The following HECW1 variants were observed in gnomAD, a reference collection of about 807,000 sequenced individuals.
HECW1 encodes E3 ubiquitin-protein ligase HECW1.
HECW1 carries 61 observed loss-of-function variants against 182.3 expected under a neutral mutation model. The ratio of observed to expected loss-of-function variants is 0.33; its 90% CI spans 0.27 to 0.41. The LOEUF (loss-of-function observed/expected upper bound fraction) is 0.41, where lower values mean the gene tolerates loss of function less well. Among genes scored for constraint, HECW1 ranks in the 10% least tolerant of loss-of-function variants. The pLI is 1.00. For missense variants in HECW1, 1,739 were observed against 2,108.9 expected, an observed-to-expected ratio of 0.82 and a Z score of 3.44; for synonymous variants, 859 against 832.6, an observed-to-expected ratio of 1.03 and a Z score of -0.55.
At chr7:43,320,828 C>A in intron 5 of HECW1, 86 bp downstream of exon 5, 1 of 976,316 alleles carries the variant, frequency 1.0e-6, no homozygotes, top group Non-Finnish European at 1.6e-6. Flanking sequence ...GTTGCACTGC[C>A]TCCACTAAGA....
intron 2 of HECW1, among the ~76,000 whole-genome samples, chr7:43,167,961 G>A (rs958314313): frequency 2.0e-5 from 3 of 152,078 alleles, no homozygotes; most frequent in Non-Finnish European, 2.9e-5. Context: ...CAGCACTCCT[G>A]AATACTCACA....
intron 3 of HECW1, among the ~76,000 whole-genome samples, chr7:43,269,551 A>G (rs1056722339): frequency 1.3e-5 from 2 of 152,222 alleles, no homozygotes; most frequent in Admixed American, 6.5e-5. Flanking sequence ...GACAGTTTCA[A>G]TATAGGAGTG....
intron 24 of HECW1, among the ~76,000 whole-genome samples, chr7:43,520,502 A>T (rs1364178142): frequency 2.0e-5 from 3 of 152,094 alleles, no homozygotes. Flanking sequence ...TCTCTCATTT[A>T]CATGGGCGCA....
At chr7:43,262,987 T>A (rs190921219) in intron 3 of HECW1, among the ~76,000 whole-genome samples, 126 of 152,326 alleles carry the variant, frequency 8.3e-4, no homozygotes, top group Non-Finnish European at 1.4e-3. Flanking sequence ...TACACATTTG[T>A]ATGTAATAGT....
intron 3 of HECW1, among the ~76,000 whole-genome samples, chr7:43,307,736 A>G (rs998186081): frequency 6.6e-6 from 1 of 151,838 alleles, no homozygotes; most frequent in Non-Finnish European, 1.5e-5. Flanking sequence ...AATCAGCTCT[A>G]TCCACCTGCT....
At chr7:43,389,805 T>C (rs150893712) in intron 6 of HECW1, among the ~76,000 whole-genome samples, 1 of 152,110 alleles carries the variant, frequency 6.6e-6, no homozygotes, top group Non-Finnish European at 1.5e-5. Context: ...CATGCCTGAC[T>C]AAATTTTTGT....
At chr7:43,144,288 C>T (rs1276104424) in intron 2 of HECW1, among the ~76,000 whole-genome samples, 2 of 152,218 alleles carry the variant, frequency 1.3e-5, no homozygotes, top group African/African-American at 4.8e-5. Context: ...CAATATGACT[C>T]ATCACTGTTG....
chr7:43,337,225 A>G (rs927076434), intron 5 of HECW1, among the ~76,000 whole-genome samples: 1 of 152,210 alleles, frequency 6.6e-6, no homozygotes, highest in Non-Finnish European at 1.5e-5. Context: ...GACTTTTTAA[A>G]TAATAGCCAT....
At chr7:43,401,606 T>C (rs1323439883) in intron 7 of HECW1, among the ~76,000 whole-genome samples, 1 of 133,422 alleles carries the variant, frequency 7.5e-6, no homozygotes, top group Non-Finnish European at 1.6e-5. Flanking sequence ...ATAGCCACAG[T>C]AGACATCTGG....
At chr7:43,375,407 G>A (rs9639874) in intron 6 of HECW1, among the ~76,000 whole-genome samples, 54,423 of 151,918 alleles carry the variant, frequency 0.36, 10,084 homozygotes, top group East Asian at 0.52. Flanking sequence ...TCAAATATAC[G>A]ATTTCAGGAT....
intron 24 of HECW1, among the ~76,000 whole-genome samples, chr7:43,519,930 T>G (rs960518798): frequency 6.6e-6 from 1 of 152,170 alleles, no homozygotes; most frequent in African/African-American, 2.4e-5. Flanking sequence ...ACATTTTAGA[T>G]TATCAATATG....
At chr7:43,347,919 G>T (rs1813892185) in intron 5 of HECW1, among the ~76,000 whole-genome samples, 2 of 152,082 alleles carry the variant, frequency 1.3e-5, no homozygotes, top group Non-Finnish European at 2.9e-5. Context: ...GATTCATTTA[G>T]CTACTATTTT....
At chr7:43,488,440 G>GAA (rs1303130958) in intron 17 of HECW1, among the ~76,000 whole-genome samples, 1 of 121,156 alleles carries the variant, frequency 8.3e-6, no homozygotes, top group African/African-American at 3.3e-5. Context: ...GAAAGAGAAA[G>GAA]AAAGAAAGAA....
chr7:43,480,048 T>C (rs564984303), intron 17 of HECW1, among the ~76,000 whole-genome samples: 1 of 152,318 alleles, frequency 6.6e-6, no homozygotes, highest in Non-Finnish European at 1.5e-5. Context: ...TGGCTGGAGC[T>C]GTGCCTCCTG....
At position 43,160,978 on chromosome 7, in the gene HECW1, G is replaced by T. The variant is rs535288354; in HGVS notation, c.-32+46587G>T. Among the ~76,000 whole-genome samples, 424 of 149,290 alleles carry T rather than the reference G, an allele frequency of 2.8e-3. 3 individuals carry two copies. The highest frequency in any genetic ancestry group is 9.7e-3 in the African/African-American group (393 of 40,660). On this transcript the variant is annotated intron_variant, in intron 2 of 29. Coordinates refer to ENST00000395891, the MANE Select transcript of HECW1 (RefSeq NM_015052.5). ...TTATAACATCTCTCCATTTCTACAG[G>T]TTTTTTTTTTCTCCTTCTAAACCAT...
chr7:43,166,297 GGTCACGAACTCCTGACCTCAGGT>G (rs1479501482), intron 2 of HECW1, among the ~76,000 whole-genome samples: 9 of 152,202 alleles, frequency 5.9e-5, no homozygotes, highest in Admixed American at 1.3e-4. Context: ...TGGCCAGGTT[GGTCACGAACTCCTGACCTCAGGT>G]GTGTTCCACC....
chr7:43,187,977 C>G (rs962640617), intron 2 of HECW1, among the ~76,000 whole-genome samples: 6 of 152,166 alleles, frequency 3.9e-5, no homozygotes, highest in Non-Finnish European at 7.3e-5. Flanking sequence ...TCCGTGAAGA[C>G]CCCACTGCTG....
intron 5 of HECW1, among the ~76,000 whole-genome samples, chr7:43,354,697 T>C (rs1303884470): frequency 6.6e-6 from 1 of 152,174 alleles, no homozygotes; most frequent in Non-Finnish European, 1.5e-5. Flanking sequence ...CTAAGAATTA[T>C]TGGTGTTCAA....
At chr7:43,322,112 C>G (rs538432240) in intron 5 of HECW1, among the ~76,000 whole-genome samples, 1 of 152,304 alleles carries the variant, frequency 6.6e-6, no homozygotes, top group African/African-American at 2.4e-5. Flanking sequence ...TCTTGTTGCC[C>G]AGGCTGGAGT....
Sources: gnomAD v4.1 joint callset for allele counts (sites outside exome capture counted in the v4.1 genomes callset) on GRCh38, gnomAD v4.1.1 for gene constraint, MANE v1.5 for transcripts, NCBI Gene and HGNC (gene_info 2026-07-23, HGNC 2026-07-21) for gene names.